Variants in ATRN observed in about 807,000 individuals in gnomAD.
ATRN encodes the protein attractin-2.
Under a neutral mutation model 178.7 loss-of-function variants are expected in ATRN, and 54 were observed. The observed-to-expected ratio is 0.30, with a 90% CI of 0.24 to 0.38. ATRN has a LOEUF of 0.38. ATRN is among the 10% of genes least tolerant of loss of function. The pLI is 1.00. For synonymous variants in ATRN, 636 were observed against 663.0 expected (o/e 0.96, Z 0.63); for missense variants, 1,443 against 1,815.1 (o/e 0.79, Z 3.73).
In ATRN at chr20:3,496,786, G is replaced by C. The variant is rs1376791578; in HGVS notation, c.410+25269G>C. Reference sequence around the variant, plus strand: ...TGTTAAAGTCTCCCATTATTAATGTGTGGGAGTCTAAGTCTCTTTGTAGGT... The same window carrying C: ...TGTTAAAGTCTCCCATTATTAATGTCTGGGAGTCTAAGTCTCTTTGTAGGT... On this transcript the variant is annotated intron_variant, in intron 1 of 28. Transcript: ENST00000262919. Among the ~76,000 whole-genome samples, 7 of 151,942 alleles carry C rather than the reference G, an allele frequency of 4.6e-5. No homozygotes were observed. The South Asian group carries it at 1.5e-3, about 32-fold the overall frequency.
chr20:3,509,351 TAAG>T (rs1245229199), intron 1 of ATRN, among the ~76,000 whole-genome samples: 2 of 152,294 alleles, frequency 1.3e-5, no homozygotes, highest in South Asian at 2.1e-4. Context: ...AAAATAGACT[TAAG>T]AAGGATTGCT....
At chr20:3,519,021 G>GAAAAAAAAAAAA (rs1310146148) in intron 1 of ATRN, among the ~76,000 whole-genome samples, 1 of 130,682 alleles carries the variant, frequency 7.7e-6, no homozygotes, top group African/African-American at 2.8e-5. Context: ...AAAAAAAAAA[G>GAAAAAAAAAAAA]AAAGAAAACT....
intron 1 of ATRN, among the ~76,000 whole-genome samples, chr20:3,506,477 A>G (rs972389562): frequency 2.6e-5 from 4 of 152,120 alleles, no homozygotes; most frequent in African/African-American, 4.8e-5. Context: ...TACAAAAATT[A>G]GCTGGGCGTG....
At chr20:3,625,091 C>T (rs556949112) in intron 25 of ATRN, among the ~76,000 whole-genome samples, 3 of 152,016 alleles carry the variant, frequency 2.0e-5, no homozygotes, top group Non-Finnish European at 2.9e-5. Context: ...AGACAAAAAA[C>T]GTGCTGCAGT....
chr20:3,588,990 T>TTTTG (rs1165836863), intron 18 of ATRN, among the ~76,000 whole-genome samples: 1 of 133,804 alleles, frequency 7.5e-6, no homozygotes, highest in Non-Finnish European at 1.6e-5. Context: ...TGTTTTTTTT[T>TTTTG]TTTTTTTTTT....
chr20:3,564,998 G>C (rs531573948), intron 10 of ATRN, among the ~76,000 whole-genome samples: 2 of 152,300 alleles, frequency 1.3e-5, no homozygotes, highest in African/African-American at 4.8e-5. Flanking sequence ...CTGGGAGGAG[G>C]AGCTTGCAGT....
chr20:3,617,292 C>T (rs1187700578), intron 24 of ATRN, among the ~76,000 whole-genome samples: 2 of 152,142 alleles, frequency 1.3e-5, no homozygotes, highest in African/African-American at 2.4e-5. Flanking sequence ...AGGACATAAA[C>T]ATCCAAATTT....
chr20:3,496,017 C>T (rs566782531), intron 1 of ATRN, among the ~76,000 whole-genome samples: 1 of 152,140 alleles, frequency 6.6e-6, no homozygotes, highest in Non-Finnish European at 1.5e-5. Flanking sequence ...CATGCCAATG[C>T]TTTACCATAT....
chr20:3,504,087 A>G (rs567800815), intron 1 of ATRN, among the ~76,000 whole-genome samples: 1 of 152,252 alleles, frequency 6.6e-6, no homozygotes, highest in East Asian at 1.9e-4. Context: ...ATGACAGTAG[A>G]TTTTCTGTAT....
At chr20:3,578,512 T>G in intron 14 of ATRN, 70 bp from the exon 15 acceptor site, 1 of 1,366,234 alleles carries the variant, frequency 7.3e-7, no homozygotes, top group South Asian at 1.5e-5. Context: ...TTCAGTAATT[T>G]GAACTCATAA....
chr20:3,487,274 C>T (rs2084707316), intron 1 of ATRN, among the ~76,000 whole-genome samples: 1 of 151,974 alleles, frequency 6.6e-6, no homozygotes, highest in African/African-American at 2.4e-5. Context: ...CTTCTTGTTG[C>T]CCAGGCTGGA....
intron 1 of ATRN, among the ~76,000 whole-genome samples, chr20:3,522,753 A>G (rs1002136397): frequency 2.0e-5 from 3 of 152,194 alleles, no homozygotes; most frequent in Admixed American, 6.5e-5. Flanking sequence ...TGCAGCCTCC[A>G]GTGGTGATAC....
chr20:3,579,217 G>C (rs1004456831), intron 15 of ATRN, among the ~76,000 whole-genome samples: 2 of 152,138 alleles, frequency 1.3e-5, no homozygotes, highest in African/African-American at 2.4e-5. Context: ...TGGATGTGGT[G>C]GCTCACACCT....
intron 1 of ATRN, among the ~76,000 whole-genome samples, chr20:3,475,844 C>T (rs2084521170): frequency 6.6e-6 from 1 of 152,174 alleles, no homozygotes; most frequent in African/African-American, 2.4e-5. Flanking sequence ...TTGTGCCCAG[C>T]ACATACAGTA....
chr20:3,533,858 G>C (rs1037306663), intron 1 of ATRN, among the ~76,000 whole-genome samples: 1 of 152,156 alleles, frequency 6.6e-6, no homozygotes, highest in African/African-American at 2.4e-5. Context: ...GGGTGTTGCT[G>C]TGTTGGCCAG....
At chr20:3,544,177 C>T (rs997372304) in intron 3 of ATRN, among the ~76,000 whole-genome samples, 5 of 152,144 alleles carry the variant, frequency 3.3e-5, no homozygotes, top group Non-Finnish European at 5.9e-5. Flanking sequence ...TACACATGTA[C>T]GGTCCATTGT....
At chr20:3,510,357 C>T (rs1164870881) in intron 1 of ATRN, among the ~76,000 whole-genome samples, 2 of 152,288 alleles carry the variant, frequency 1.3e-5, no homozygotes, top group South Asian at 2.1e-4. Flanking sequence ...ATCACCTCTG[C>T]TGTTGTAGAG....
chr20:3,531,702 C>T (rs1263962618), intron 1 of ATRN, among the ~76,000 whole-genome samples: 1 of 152,006 alleles, frequency 6.6e-6, no homozygotes, highest in African/African-American at 2.4e-5. Flanking sequence ...ATCATAGGCT[C>T]ATGAGTATGA....
At chr20:3,596,939 C>T (rs542280881) in intron 21 of ATRN, among the ~76,000 whole-genome samples, 11 of 151,728 alleles carry the variant, frequency 7.2e-5, no homozygotes, top group Admixed American at 5.9e-4. Flanking sequence ...GACCAGAGTA[C>T]GGGACCAGAA....
Sources: allele counts gnomAD v4.1 joint callset (sites outside exome capture counted in the v4.1 genomes callset), GRCh38; gene constraint gnomAD v4.1.1; transcripts MANE v1.5; gene names NCBI Gene and HGNC (gene_info 2026-07-23, HGNC 2026-07-21).